The following KCTD7 variants were observed in gnomAD, a reference collection of about 807,000 sequenced individuals.
KCTD7 encodes the protein potassium channel tetramerization domain containing 7, also known as BTB/POZ domain-containing protein KCTD7.
KCTD7 carries 15 observed loss-of-function variants against 27.0 expected under a neutral mutation model. That is an observed-to-expected ratio of 0.56 (90% CI 0.37 to 0.86). The LOEUF is 0.86. Among genes scored for constraint, KCTD7 ranks in the 40% least tolerant of loss-of-function variants. KCTD7 has a pLI of 0.00. For missense variants in KCTD7, 299 were observed against 398.9 expected (o/e 0.75, Z 2.13); for synonymous variants, 159 against 162.7 (o/e 0.98, Z 0.17).
chr7:66,641,889 CAGA>C lies in KCTD7; in HGVS notation c.*2663_*2665del, dbSNP rs1353495085. The C allele has an allele frequency of 1.0e-6, 1 of 985,258 alleles. No homozygotes were observed. Among genetic ancestry groups the C allele is most frequent in the East Asian group, 1.1e-4 (1 of 8,826 alleles). 61.0% of individuals were successfully genotyped at this position (985,258 alleles called of 1,614,324 possible). ...CAACTCTAAATGGCCAGGCCCAGAA[CAGA>C]AGAAGGGTTGGGTCTGGAAGGAAGG... is the stretch of plus-strand genomic sequence containing the variant. On this transcript the variant is annotated 3_prime_UTR_variant, in exon 4 of 4. Coordinates refer to ENST00000639828, the MANE Select transcript of KCTD7 (RefSeq NM_153033.5).
chr7:66,638,540 C>T (rs989198210), intron 3 of KCTD7, 109 bp downstream of exon 3: 11 of 1,209,882 alleles, frequency 9.1e-6, no homozygotes, highest in African/African-American at 4.5e-5. Flanking sequence ...ATCCAGATTA[C>T]TCAAGATGCG....
chr7:66,639,197 C>T lies in KCTD7; in HGVS notation c.835C>T (p.Arg279Cys), dbSNP rs145063728. 1.9e-6 allele frequency: 3 copies of T among 1,613,594 alleles called. No individual in the cohort carries two copies. Among genetic ancestry groups the T allele is most frequent in the East Asian group, 2.2e-5 (1 of 44,878 alleles). ...CCTCGTGAACCACTACTACTGCAAG[C>T]GCCCCATCTATGAGTTCAAGATCAC... ...KHLVNHYYCK[R>C]PIYEFKITWW Residue 279 changes from arginine to cysteine, a missense_variant, in exon 4 of 4, where the codon CGC becomes TGC. Physicochemically the swap from Arg to Cys is radical, Grantham distance 180. Transcript: ENST00000639828.
intron 1 of KCTD7, among the ~76,000 whole-genome samples, chr7:66,630,761 G>A (rs1208716011): frequency 6.6e-6 from 1 of 152,132 alleles, no homozygotes; most frequent in African/African-American, 2.4e-5. Context: ...ATGGTTTGAG[G>A]GAAAGAGCAC....
intron 2 of KCTD7, among the ~76,000 whole-genome samples, chr7:66,633,880 C>T (rs1169032413): frequency 1.3e-5 from 2 of 151,816 alleles, no homozygotes; most frequent in East Asian, 3.9e-4. Flanking sequence ...CCCAGCTACT[C>T]AGGAAGCTGA....
chr7:66,631,545 G>C (rs1786442069), intron 1 of KCTD7, among the ~76,000 whole-genome samples: 1 of 151,138 alleles, frequency 6.6e-6, no homozygotes, highest in South Asian at 2.1e-4. Flanking sequence ...CTCCAGCCTG[G>C]GTGTTGCAAT....
Position 66,638,386 on chromosome 7 carries a change from G to C in KCTD7, c.448G>C (p.Glu150Gln). ...GGAGAACATGCAGCCACTGAAGGGC[G>C]AGAAGGTGCGCCAAGCGTTTCTGGG... ...QLENMQPLKG[E>Q]KVRQAFLGLM... The change falls in exon 3 of 4, where the codon GAG (glutamate) becomes CAG (glutamine). Residue 150 changes from glutamate (E) to glutamine (Q), a missense_variant. By Grantham distance (29) the Glu-to-Gln change is conservative. Coordinates refer to ENST00000639828, the MANE Select transcript of KCTD7 (RefSeq NM_153033.5). 1 of 1,614,236 alleles carries C rather than the reference G, an allele frequency of 6.2e-7. No individual in the cohort carries two copies. Among genetic ancestry groups the C allele is most frequent in the Non-Finnish European group, 8.5e-7 (1 of 1,180,042 alleles).
At position 66,640,011 on chromosome 7, in the gene KCTD7, G is replaced by A; in HGVS notation, c.*779G>A. On this transcript the variant is annotated 3_prime_UTR_variant, in exon 4 of 4. Coordinates refer to ENST00000639828, the MANE Select transcript of KCTD7 (RefSeq NM_153033.5). ...GCAAATTTCAGAGGCTTCTTTTGAA[G>A]ATTCCCCAAGTCAAGCAGGCAAGAT... 8.0e-7 allele frequency: 1 copy of A among 1,256,332 alleles called. No individual in the cohort carries two copies. The highest frequency in any genetic ancestry group is 1.0e-6 in the Non-Finnish European group (1 of 1,003,704). The allele number at this position is 1,256,332 out of a possible 1,614,324, so 77.8% of individuals were successfully genotyped here. A position where few individuals can be genotyped will look rare whatever the true frequency, so the allele number is the denominator to read the frequency against.
At chr7:66,635,469 A>G (rs964333318) in intron 2 of KCTD7, among the ~76,000 whole-genome samples, 15 of 152,038 alleles carry the variant, frequency 9.9e-5, no homozygotes, top group Admixed American at 2.0e-4. Context: ...CAGGCTTGTC[A>G]AAGAGGATTA....
chr7:66,633,594 T>A (rs1156241645), intron 2 of KCTD7, 150 bp downstream of exon 2: 27 of 157,732 alleles, frequency 1.7e-4, no homozygotes, highest in Non-Finnish European at 2.5e-4. Flanking sequence ...AAGAGATCAA[T>A]TTTTTTTTTT....
chr7:66,629,037 G>C lies in KCTD7; in HGVS notation c.-28G>C, dbSNP rs771922388. 1.1e-5 allele frequency: 17 copies of C among 1,488,788 alleles called. No individual in the cohort carries two copies. In the South Asian group the frequency reaches 1.9e-4, roughly 17 times the overall value. The allele number at this position is 1,488,788 out of a possible 1,614,324, so 92.2% of individuals were successfully genotyped here. A position where few individuals can be genotyped will look rare whatever the true frequency, so the allele number is the denominator to read the frequency against. On this transcript the variant is annotated 5_prime_UTR_variant, in exon 1 of 4. Transcript: ENST00000639828. Reference sequence around the variant, plus strand: ...GGGCCGCCGCCTCCGCCCGCCCGAAGCCGCGCCCACTGCCCAGAGCCAGAG... The same window carrying C: ...GGGCCGCCGCCTCCGCCCGCCCGAACCCGCGCCCACTGCCCAGAGCCAGAG...
rs756747620 is a variant in KCTD7, at chr7:66,639,256, C to T, written c.*24C>T. 5.0e-6 allele frequency: 8 copies of T among 1,605,622 alleles called. No homozygotes were observed. The South Asian group carries it at 6.6e-5, about 13-fold the overall frequency. On this transcript the variant is annotated 3_prime_UTR_variant, in exon 4 of 4. Transcript: ENST00000639828. ...GAGTAGCCCCGGTAGGCGAGAGTCC[C>T]ATCAGGGAGGATGTCCACCTTGCTT...
intron 2 of KCTD7, among the ~76,000 whole-genome samples, chr7:66,637,322 A>G (rs1422068032): frequency 7.9e-5 from 12 of 152,062 alleles, no homozygotes; most frequent in Admixed American, 5.9e-4. Context: ...CTGAGCTCAG[A>G]TGATCCACCC....
chr7:66,639,391 A>T lies in KCTD7; in HGVS notation c.*159A>T. On this transcript the variant is annotated 3_prime_UTR_variant, in exon 4 of 4. Transcript: ENST00000639828. Reference sequence around the variant, plus strand: ...TCCCAGGGGACAGAGGTGTAGCTCCAATCTCCCTGACTGCACCTCAGGGTT... The same window carrying T: ...TCCCAGGGGACAGAGGTGTAGCTCCTATCTCCCTGACTGCACCTCAGGGTT... 6.6e-7 allele frequency: 1 copy of T among 1,517,374 alleles called. No homozygotes were observed. The highest frequency in any genetic ancestry group is 2.5e-5 in the East Asian group (1 of 40,804). 94.0% of individuals were successfully genotyped at this position (1,517,374 alleles called of 1,614,324 possible). A position where few individuals can be genotyped will look rare whatever the true frequency, so the allele number is the denominator to read the frequency against.
chr7:66,642,631 T>G lies in KCTD7; in HGVS notation c.*3399T>G, dbSNP rs778804133. On this transcript the variant is annotated 3_prime_UTR_variant, in exon 4 of 4. Transcript: ENST00000639828. ...GTTCTATCCATATTTGATTCCAATA[T>G]ACATTATTAAGCTTTCTTGGGTACT... 1.0e-6 allele frequency: 1 copy of G among 985,368 alleles called. No individual in the cohort carries two copies. The highest frequency in any genetic ancestry group is 1.7e-5 in the African/African-American group (1 of 57,352). 61.0% of individuals were successfully genotyped at this position (985,368 alleles called of 1,614,324 possible). A position where few individuals can be genotyped will look rare whatever the true frequency, so the allele number is the denominator to read the frequency against.
intron 2 of KCTD7, among the ~76,000 whole-genome samples, chr7:66,633,716 G>A (rs975995532): frequency 4.6e-5 from 7 of 151,686 alleles, no homozygotes; most frequent in African/African-American, 1.2e-4. Context: ...AGCTCTGCGC[G>A]GTGCTCATGC....
intron 2 of KCTD7, among the ~76,000 whole-genome samples, chr7:66,634,363 TC>T (rs933053780): frequency 1.3e-5 from 2 of 151,914 alleles, no homozygotes; most frequent in Non-Finnish European, 2.9e-5. Context: ...TGTTTTTTTT[TC>T]GGGGGCTGTT....
Position 66,628,976 on chromosome 7 carries a change from TCATGC to T in KCTD7, c.-86_-82del. On this transcript the variant is annotated 5_prime_UTR_variant, in exon 1 of 4. The change abolishes an upstream ATG in the 5' untranslated region. Coordinates refer to ENST00000639828, the MANE Select transcript of KCTD7 (RefSeq NM_153033.5). ...TCCGGCCAGCCCGCAGCCGGCCGCGTCATGCCAGGCGCTGCTCGGCGGTAGGGAGT... is the reference window on the plus strand; with the variant it reads ...TCCGGCCAGCCCGCAGCCGGCCGCGTCAGGCGCTGCTCGGCGGTAGGGAGT... 7.4e-7 allele frequency: 1 copy of T among 1,349,946 alleles called. No individual in the cohort carries two copies. The highest frequency in any genetic ancestry group is 9.8e-7 in the Non-Finnish European group (1 of 1,021,174). The allele number at this position is 1,349,946 out of a possible 1,614,324, so 83.6% of individuals were successfully genotyped here.
At position 66,639,106 on chromosome 7, in the gene KCTD7, G is replaced by A. The variant is rs989382981; in HGVS notation, c.744G>A (p.Leu248=). The change falls in exon 4 of 4, where the codon CTG becomes CTA. Residue 248 remains leucine, a synonymous_variant. Coordinates refer to ENST00000639828, the MANE Select transcript of KCTD7 (RefSeq NM_153033.5). The part of the protein sequence containing the change: ...VADVYDLLHC[L]VTDLSAQGLT... ...ATGTTTATGACCTGCTGCACTGCCT[G>A]GTCACGGACCTCTCGGCCCAGGGTC... is the stretch of plus-strand genomic sequence containing the variant. The A allele has an allele frequency of 6.2e-7, 1 of 1,614,190 alleles. No homozygotes were observed. Among genetic ancestry groups the A allele is most frequent in the Non-Finnish European group, 8.5e-7 (1 of 1,180,032 alleles).
intron 1 of KCTD7, among the ~76,000 whole-genome samples, chr7:66,632,488 CAA>C (rs79868578): frequency 4.6e-4 from 24 of 52,552 alleles, no homozygotes; most frequent in African/African-American, 3.0e-4. Context: ...GACTCCGTCT[CAA>C]AAAAAAAAAA....
Sources: allele counts gnomAD v4.1 joint callset (sites outside exome capture counted in the v4.1 genomes callset), GRCh38; gene constraint gnomAD v4.1.1; transcripts MANE v1.5; gene names NCBI Gene and HGNC (gene_info 2026-07-23, HGNC 2026-07-21).